The following ZNF683 variants were observed in gnomAD, a reference collection of about 807,000 sequenced individuals.
ZNF683 encodes the protein tissue-resident T-cell transcription regulator protein ZNF683.
Under a neutral mutation model 31.4 loss-of-function variants are expected in ZNF683, and 20 were observed. That is an observed-to-expected ratio of 0.64 (90% CI 0.45 to 0.93). The LOEUF (loss-of-function observed/expected upper bound fraction) is 0.93. Among genes scored for constraint, ZNF683 ranks in the 40% least tolerant of loss-of-function variants. ZNF683 has a pLI of 0.00. For missense variants in ZNF683, 621 were observed against 637.2 expected (o/e 0.97, Z 0.27); for synonymous variants, 264 against 267.6 (o/e 0.99, Z 0.13).
At chr1:26,364,450 C>T (rs2124134834) in intron 4 of ZNF683, 82 bp downstream of exon 4, 1 of 1,516,276 alleles carries the variant, frequency 6.6e-7, no homozygotes, top group Non-Finnish European at 9.1e-7. Flanking sequence ...GCTTTGAGGT[C>T]CTTGCTTCTA....
upstream of ZNF683, among the ~76,000 whole-genome samples, chr1:26,373,059 A>G (rs554220508): frequency 6.6e-6 from 1 of 152,310 alleles, no homozygotes; most frequent in East Asian, 1.9e-4. Flanking sequence ...GCAGCCATTA[A>G]TCTCCACTGC....
intron 5 of ZNF683, 90 bp from the exon 6 acceptor site, chr1:26,362,112 C>G: frequency 6.8e-7 from 1 of 1,473,494 alleles, no homozygotes; most frequent in East Asian, 2.4e-5. Flanking sequence ...TACCCATGAC[C>G]CACCTCTCTT....
chr1:26,366,871 T>C (rs1342621428), intron 3 of ZNF683, among the ~76,000 whole-genome samples: 1 of 152,188 alleles, frequency 6.6e-6, no homozygotes, highest in Non-Finnish European at 1.5e-5. Flanking sequence ...TTAGCCAGGA[T>C]GGTCTCGATC....
Position 26,370,665 on chromosome 1 carries a change from C to G in ZNF683, c.-15+2004G>C, listed in dbSNP as rs2074649691. 5.1e-6 allele frequency: 5 copies of G among 985,802 alleles called. No individual in the cohort carries two copies. The South Asian group carries it at 2.3e-4, about 46-fold the overall frequency. 61.1% of individuals were successfully genotyped at this position (985,802 alleles called of 1,614,324 possible). A position where few individuals can be genotyped will look rare whatever the true frequency, so the allele number is the denominator to read the frequency against. ...CCCCGAAGGGCTGCTGGCTGTGGGG[C>G]TCTCCACTCGGTGCTGCAGCAGTGC... On this transcript the variant is annotated intron_variant, in intron 1 of 5. Transcript: ENST00000349618.
intron 4 of ZNF683, 115 bp from the exon 5 acceptor site, chr1:26,363,269 C>T: frequency 7.5e-7 from 1 of 1,324,592 alleles, no homozygotes; most frequent in East Asian, 2.6e-5. Flanking sequence ...CCCTCAGGGC[C>T]CATCATCCCC....
upstream of ZNF683, among the ~76,000 whole-genome samples, chr1:26,373,938 A>AC (rs575938266): frequency 1.8e-3 from 271 of 152,278 alleles, no homozygotes; most frequent in African/African-American, 5.3e-3. Context: ...GAGTCACACA[A>AC]CAAGTAGCCA....
In ZNF683 at chr1:26,368,523, C is replaced by T; in HGVS notation, c.49G>A (p.Ala17Thr). 6.2e-7 allele frequency: 1 copy of T among 1,606,684 alleles called. No individual in the cohort carries two copies. Among genetic ancestry groups the T allele is most frequent in the Non-Finnish European group, 8.5e-7 (1 of 1,176,548 alleles). The part of the protein sequence containing the change: ...AQLGCCHRPM[A>T]LGGTGGSLSP... ...AGGGAGCCCCCTGTACCTCCCAGGGCCATGGGCCTATGACAACAACCTAAT... is the reference window on the plus strand; with the variant it reads ...AGGGAGCCCCCTGTACCTCCCAGGGTCATGGGCCTATGACAACAACCTAAT... Residue 17 changes from alanine to threonine, a missense_variant, in exon 2 of 6, where the codon GCC (alanine) becomes ACC (threonine). Ala to Thr is a moderately conservative substitution (Grantham distance 58, BLOSUM62 0). Coordinates refer to ENST00000349618, the MANE Select transcript of ZNF683 (RefSeq NM_001114759.3).
At chr1:26,365,247 G>C in intron 3 of ZNF683, 21 bp from the exon 4 acceptor site, 1 of 1,563,382 alleles carries the variant, frequency 6.4e-7, no homozygotes, top group Non-Finnish European at 8.6e-7. Context: ...AAAGGAAGGC[G>C]GTCAGATCCC....
chr1:26,364,735 C>T lies in ZNF683; in HGVS notation c.811G>A (p.Ala271Thr), dbSNP rs2074473051. 2 of 1,613,806 alleles carry T rather than the reference C, an allele frequency of 1.2e-6. No individual in the cohort carries two copies. Among genetic ancestry groups the T allele is most frequent in the Non-Finnish European group, 1.7e-6 (2 of 1,179,790 alleles). Residue 271 changes from alanine to threonine, a missense_variant, in exon 4 of 6, where the codon GCC becomes ACC. By Grantham distance (58) the Ala-to-Thr change is moderately conservative. Coordinates refer to ENST00000349618, the MANE Select transcript of ZNF683 (RefSeq NM_001114759.3). ...QASGQALPSQ[A>T]RNPGAGAAPT... is the part of the protein sequence containing the mutation. ...GCAGCTCCAGCACCTGGATTTCGGG[C>T]CTGGGAAGGCAGAGCTTGGCCAGAG...
intron 3 of ZNF683, among the ~76,000 whole-genome samples, chr1:26,367,391 T>C (rs1294409389): frequency 6.6e-6 from 1 of 152,148 alleles, no homozygotes; most frequent in Non-Finnish European, 1.5e-5. Flanking sequence ...GCCCAGCTTC[T>C]CTGGCTTAGG....
upstream of ZNF683, chr1:26,374,143 C>G (rs2074718211): frequency 3.4e-6 from 3 of 882,628 alleles, no homozygotes; most frequent in Non-Finnish European, 4.7e-6. Flanking sequence ...CACCAAAACT[C>G]TACTCCCTAA....
upstream of ZNF683, chr1:26,372,917 T>C: frequency 1.0e-6 from 1 of 978,686 alleles, no homozygotes. Context: ...CCTGAGGGAG[T>C]CTGTCTTAGC....
chr1:26,367,060 T>A (rs1375321062), intron 3 of ZNF683, among the ~76,000 whole-genome samples: 7 of 151,718 alleles, frequency 4.6e-5, no homozygotes, highest in Admixed American at 4.6e-4. Flanking sequence ...AGGTCAGGAG[T>A]TCGAGACCAG....
In ZNF683 at chr1:26,361,944, A is replaced by C; in HGVS notation, c.1222T>G (p.Cys408Gly). 3.1e-6 allele frequency: 5 copies of C among 1,613,992 alleles called. No individual in the cohort carries two copies. Among genetic ancestry groups the C allele is most frequent in the Non-Finnish European group, 4.2e-6 (5 of 1,179,890 alleles). The change falls in exon 6 of 6, where the codon TGC becomes GGC. Residue 408 changes from cysteine (C) to glycine (G), a missense_variant. Coordinates refer to ENST00000349618, the MANE Select transcript of ZNF683 (RefSeq NM_001114759.3). ...GTGAAGCGACTCCGGCAGACACTGCACTGGAAGGGCCGGGCCCCGGAGTGC... is the reference window on the plus strand; with the variant it reads ...GTGAAGCGACTCCGGCAGACACTGCCCTGGAAGGGCCGGGCCCCGGAGTGC... ...RLHSGARPFQ[C>G]SVCRSRFTQH...
chr1:26,367,466 A>C, intron 3 of ZNF683, 127 bp downstream of exon 3: 1 of 1,063,528 alleles, frequency 9.4e-7, no homozygotes, highest in Non-Finnish European at 1.3e-6. Context: ...GTGGAAGTAA[A>C]GTGTGCCTAA....
At chr1:26,362,901 T>G in intron 5 of ZNF683, 125 bp downstream of exon 5, 2 of 1,311,042 alleles carry the variant, frequency 1.5e-6, no homozygotes, top group Non-Finnish European at 2.1e-6. Flanking sequence ...CAATTTTCAC[T>G]CCCCCTTCCC....
At chr1:26,364,435 T>A in intron 4 of ZNF683, 97 bp downstream of exon 4, 2 of 1,430,014 alleles carry the variant, frequency 1.4e-6, no homozygotes, top group Admixed American at 1.8e-5. Context: ...CAGGAGTGCC[T>A]TCTAGCTTTG....
In ZNF683 at chr1:26,364,996, C is replaced by T. The variant is rs748305418; in HGVS notation, c.550G>A (p.Glu184Lys). ...AAGGCGTGGAGGAGAAATGGGAGCT[C>T]CTTGGAGATGGAGTTGACAGGGGGA... Reference protein sequence around the residue: ...PCPPVNSISKELPFLLHAFYP... With the variant: ...PCPPVNSISKKLPFLLHAFYP... The change falls in exon 4 of 6, where the codon GAG (glutamate) becomes AAG (lysine). Residue 184 changes from glutamate (E) to lysine (K), a missense_variant. By Grantham distance (56) the Glu-to-Lys change is moderately conservative. Transcript: ENST00000349618. 24 of 1,581,032 alleles carry T rather than the reference C, an allele frequency of 1.5e-5. No individual in the cohort carries two copies. The Admixed American group carries it at 4.4e-4, about 29-fold the overall frequency.
At chr1:26,374,402 A>C, upstream of ZNF683, 1 of 1,251,374 alleles carries the variant, frequency 8.0e-7, no homozygotes, top group Non-Finnish European at 1.1e-6. Context: ...GGAGATTTCC[A>C]GGTCTCCAAT....
Sources: allele counts gnomAD v4.1 joint callset (sites outside exome capture counted in the v4.1 genomes callset), GRCh38; gene constraint gnomAD v4.1.1; transcripts MANE v1.5; gene names NCBI Gene and HGNC (gene_info 2026-07-23, HGNC 2026-07-21).